PTPRD: variants seen among roughly 807,000 people sequenced by gnomAD.
The protein encoded by PTPRD is receptor-type tyrosine-protein phosphatase delta.
In PTPRD, 34 loss-of-function variants were observed where a neutral mutation model predicts 214.5. The ratio of observed to expected loss-of-function variants is 0.16; its 90% confidence interval spans 0.12 to 0.21. The LOEUF (loss-of-function observed/expected upper bound fraction) is 0.21. PTPRD is among the 10% of genes least tolerant of loss of function. PTPRD has a pLI of 1.00. For missense variants in PTPRD, 2,545 were observed against 2,398.7 expected, an observed-to-expected ratio of 1.06 and a Z score of -1.27; for synonymous variants, 1,128 against 845.7, an observed-to-expected ratio of 1.33 and a Z score of -5.79.
intron 2 of PTPRD, among the ~76,000 whole-genome samples, chr9:10,373,162 T>A (rs866936987): frequency 2.2e-4 from 30 of 133,792 alleles, no homozygotes; most frequent in Non-Finnish European, 2.0e-4. Context: ...AAAAAAAAAT[T>A]GATGAAGTTT....
chr9:9,565,247 A>C (rs910804668), intron 8 of PTPRD, among the ~76,000 whole-genome samples: 2 of 151,928 alleles, frequency 1.3e-5, no homozygotes, highest in Non-Finnish European at 2.9e-5. Flanking sequence ...TAAGCTCACT[A>C]AACTCTTGCT....
At chr9:9,207,631 C>T (rs565947163) in intron 9 of PTPRD, among the ~76,000 whole-genome samples, 2 of 152,230 alleles carry the variant, frequency 1.3e-5, no homozygotes, top group East Asian at 1.9e-4. Flanking sequence ...GCAATTACTA[C>T]AGAGGATAAT....
At chr9:10,591,256 C>T (rs1459225694) in intron 2 of PTPRD, among the ~76,000 whole-genome samples, 1 of 151,760 alleles carries the variant, frequency 6.6e-6, no homozygotes, top group Non-Finnish European at 1.5e-5. Flanking sequence ...TTTGTTGGTG[C>T]ATGTGTATGT....
chr9:9,704,288 T>C (rs576205803), intron 7 of PTPRD, among the ~76,000 whole-genome samples: 135 of 152,152 alleles, frequency 8.9e-4, no homozygotes, highest in Non-Finnish European at 1.3e-3. Context: ...TCTACTTTAT[T>C]GCAGCTCACT....
chr9:9,976,626 G>C (rs1189393613), intron 4 of PTPRD, among the ~76,000 whole-genome samples: 4 of 132,136 alleles, frequency 3.0e-5, no homozygotes, highest in East Asian at 4.9e-4. Flanking sequence ...AACCTCAGGT[G>C]ATCCCCCGCC....
intron 8 of PTPRD, among the ~76,000 whole-genome samples, chr9:9,566,950 C>A (rs1488355926): frequency 1.3e-5 from 2 of 152,048 alleles, no homozygotes; most frequent in Non-Finnish European, 2.9e-5. Flanking sequence ...ACAGTGATTA[C>A]AGAGTCAAAT....
intron 3 of PTPRD, among the ~76,000 whole-genome samples, chr9:10,092,471 T>C (rs572705027): frequency 6.6e-5 from 10 of 151,582 alleles, no homozygotes; most frequent in African/African-American, 2.4e-4. Context: ...AGTCATATTA[T>C]ATTATGGTCA....
At chr9:9,779,017 G>C (rs1001664265) in intron 5 of PTPRD, among the ~76,000 whole-genome samples, 3 of 116,442 alleles carry the variant, frequency 2.6e-5, no homozygotes, top group African/African-American at 1.0e-4. Context: ...ACAGACCAGT[G>C]AAACAGAATA....
intron 10 of PTPRD, among the ~76,000 whole-genome samples, chr9:9,133,671 G>C (rs1452772746): frequency 6.6e-6 from 1 of 152,166 alleles, no homozygotes; most frequent in Non-Finnish European, 1.5e-5. Context: ...TATGAAAGAA[G>C]CATTGTTCGG....
chr9:8,527,832 T>TAC (rs1330562508), intron 15 of PTPRD, among the ~76,000 whole-genome samples: 1 of 152,126 alleles, frequency 6.6e-6, no homozygotes, highest in Non-Finnish European at 1.5e-5. Flanking sequence ...AGCTGGAGTC[T>TAC]ACACCAAAAG....
intron 12 of PTPRD, among the ~76,000 whole-genome samples, chr9:8,676,459 T>TACAA (rs1403038514): frequency 6.9e-6 from 1 of 144,686 alleles, no homozygotes; most frequent in African/African-American, 2.5e-5. Flanking sequence ...CTCGGCTCAC[T>TACAA]ACAACCTCCG....
intron 3 of PTPRD, among the ~76,000 whole-genome samples, chr9:10,152,806 C>A (rs1348597962): frequency 6.6e-6 from 1 of 152,110 alleles, no homozygotes; most frequent in African/African-American, 2.4e-5. Flanking sequence ...GCCTGGGCAA[C>A]AAGAGTGAAC....
At chr9:10,536,732 G>T in intron 2 of PTPRD, among the ~76,000 whole-genome samples, 1 of 152,054 alleles carries the variant, frequency 6.6e-6, no homozygotes, top group South Asian at 2.1e-4. Flanking sequence ...ACACTGCAGA[G>T]AATAAAAAAC....
intron 9 of PTPRD, among the ~76,000 whole-genome samples, chr9:9,383,982 C>G (rs930721694): frequency 2.0e-5 from 3 of 151,948 alleles, no homozygotes; most frequent in African/African-American, 7.2e-5. Context: ...GAACTAAACA[C>G]AAGGCCCTGT....
intron 5 of PTPRD, among the ~76,000 whole-genome samples, chr9:9,864,390 A>C (rs1255160447): frequency 1.3e-5 from 2 of 152,146 alleles, no homozygotes; most frequent in Admixed American, 6.5e-5. Context: ...AGTTGGGAAT[A>C]GAGGTCTAGA....
chr9:9,685,308 G>T (rs545129827), intron 7 of PTPRD, among the ~76,000 whole-genome samples: 1 of 150,764 alleles, frequency 6.6e-6, no homozygotes, highest in South Asian at 2.1e-4. Flanking sequence ...TTTTACGTAA[G>T]AATGCAAATG....
intron 2 of PTPRD, among the ~76,000 whole-genome samples, chr9:10,341,986 AAAT>A (rs1257178741): frequency 1.3e-5 from 2 of 152,172 alleles, no homozygotes; most frequent in Admixed American, 6.6e-5. Context: ...AAATAAAGTC[AAAT>A]AATGATACTG....
intron 11 of PTPRD, among the ~76,000 whole-genome samples, chr9:9,012,202 C>A (rs79240915): frequency 0.087 from 13,295 of 152,182 alleles, 656 homozygotes; most frequent in East Asian, 0.19. Flanking sequence ...ATTCTGCCAA[C>A]AACTTGAGTA....
chr9:8,555,388 CAG>C (rs2083420656), intron 14 of PTPRD, among the ~76,000 whole-genome samples: 1 of 152,172 alleles, frequency 6.6e-6, no homozygotes, highest in African/African-American at 2.4e-5. Context: ...GCCTGGGCAA[CAG>C]AGAAAAAACC....
Sources: gnomAD v4.1 joint callset for allele counts (sites outside exome capture counted in the v4.1 genomes callset) on GRCh38, gnomAD v4.1.1 for gene constraint, MANE v1.5 for transcripts, NCBI Gene and HGNC (gene_info 2026-07-23, HGNC 2026-07-21) for gene names.